Variants in EPHB1 observed in about 807,000 individuals in gnomAD.
EPHB1 encodes the protein ephrin type-B receptor 1.
In EPHB1, 30 loss-of-function variants were observed where a neutral mutation model predicts 94.4. The observed-to-expected ratio is 0.32, with a 90% CI of 0.24 to 0.43. The LOEUF (loss-of-function observed/expected upper bound fraction) is 0.43, where lower values mean the gene tolerates loss of function less well. EPHB1 is among the 20% of genes least tolerant of loss of function. The pLI, the probability that EPHB1 is intolerant of heterozygous loss-of-function variation, is 1.00. For synonymous variants in EPHB1, 522 were observed against 489.1 expected (o/e 1.07, Z -0.89); for missense variants, 1,055 against 1,308.3 (o/e 0.81, Z 2.99).
chr3:134,928,466 T>A (rs888232461), intron 2 of EPHB1, among the ~76,000 whole-genome samples: 1 of 152,198 alleles, frequency 6.6e-6, no homozygotes, highest in African/African-American at 2.4e-5. Flanking sequence ...ATTGGCAGCT[T>A]ACACCTAGTT....
Position 135,192,698 on chromosome 3 carries a change from G to A in EPHB1, c.2005G>A (p.Ala669Thr). The stretch of plus-strand genomic sequence containing the variant: ...GCAGCGTCGGGACTTTCTGAGTGAG[G>A]CGAGCATCATGGGCCAGTTCGACCA... ...EKQRRDFLSE[A>T]SIMGQFDHPN... The change falls in exon 11 of 16, where the codon GCG (alanine) becomes ACG (threonine). Residue 669 changes from alanine (A) to threonine (T), a missense_variant. Coordinates refer to ENST00000398015, the MANE Select transcript of EPHB1 (RefSeq NM_004441.5). 6.2e-7 allele frequency: 1 copy of A among 1,614,178 alleles called. No homozygotes were observed. Among genetic ancestry groups the A allele is most frequent in the Non-Finnish European group, 8.5e-7 (1 of 1,180,034 alleles).
chr3:135,124,839 C>G (rs767471502), intron 4 of EPHB1, among the ~76,000 whole-genome samples: 2 of 151,532 alleles, frequency 1.3e-5, no homozygotes, highest in Non-Finnish European at 2.9e-5. Flanking sequence ...CCTCCTTGCC[C>G]CAGTGAGATA....
At chr3:135,178,458 C>CAAAAAAAAAAAAAAAAAAAAAAAAAAAAA (rs57207495) in intron 9 of EPHB1, among the ~76,000 whole-genome samples, 1 of 98,818 alleles carries the variant, frequency 1.0e-5, no homozygotes. Context: ...AAGACTGTCT[C>CAAAAAAAAAAAAAAAAAAAAAAAAAAAAA]AAAAAAAAAA....
intron 3 of EPHB1, among the ~76,000 whole-genome samples, chr3:135,010,558 G>GTTTTTTTTTTTTTTTTT (rs58579496): frequency 2.7e-5 from 3 of 110,388 alleles, no homozygotes; most frequent in Non-Finnish European, 3.6e-5. Flanking sequence ...ATTTTTTTCT[G>GTTTTTTTTTTTTTTTTT]TTTTTTTTTT....
intron 1 of EPHB1, among the ~76,000 whole-genome samples, chr3:134,825,325 C>A (rs1021148471): frequency 2.0e-5 from 3 of 152,206 alleles, no homozygotes; most frequent in African/African-American, 7.2e-5. Flanking sequence ...CAGGCCAGGT[C>A]TATTGTAGCT....
intron 1 of EPHB1, among the ~76,000 whole-genome samples, chr3:134,898,127 G>A (rs937328938): frequency 2.0e-5 from 3 of 152,188 alleles, no homozygotes; most frequent in Non-Finnish European, 4.4e-5. Context: ...AGGTGGATGA[G>A]TGTGCCTGGG....
At chr3:134,942,351 A>G (rs1373083761) in intron 2 of EPHB1, among the ~76,000 whole-genome samples, 1 of 152,186 alleles carries the variant, frequency 6.6e-6, no homozygotes, top group Non-Finnish European at 1.5e-5. Context: ...AGTTACTTGG[A>G]GGGTAAAGAG....
intron 1 of EPHB1, among the ~76,000 whole-genome samples, chr3:134,899,030 T>C (rs891581044): frequency 2.6e-5 from 4 of 152,168 alleles, no homozygotes; most frequent in African/African-American, 9.6e-5. Context: ...AGTTCTTGAT[T>C]GTCTCCCAAT....
At chr3:135,184,994 G>A (rs1446534265) in intron 10 of EPHB1, among the ~76,000 whole-genome samples, 1 of 152,244 alleles carries the variant, frequency 6.6e-6, no homozygotes, top group Non-Finnish European at 1.5e-5. Flanking sequence ...ATAACTGTAT[G>A]CAACAGCCTA....
At chr3:135,137,204 G>A (rs1424918209) in intron 5 of EPHB1, among the ~76,000 whole-genome samples, 1 of 152,168 alleles carries the variant, frequency 6.6e-6, no homozygotes. Context: ...GGCCAGGCAG[G>A]TAATGGAGAG....
At chr3:134,814,408 G>A (rs1426121890) in intron 1 of EPHB1, among the ~76,000 whole-genome samples, 2 of 152,162 alleles carry the variant, frequency 1.3e-5, no homozygotes, top group Admixed American at 6.5e-5. Context: ...ACCTGAAATA[G>A]CAATTACATT....
intron 3 of EPHB1, among the ~76,000 whole-genome samples, chr3:135,022,857 G>T (rs1297524871): frequency 6.6e-6 from 1 of 151,984 alleles, no homozygotes; most frequent in Non-Finnish European, 1.5e-5. Flanking sequence ...TACTCAATAG[G>T]GTGGAGTGTG....
intron 3 of EPHB1, among the ~76,000 whole-genome samples, chr3:135,103,931 G>T (rs899443304): frequency 4.6e-5 from 7 of 152,290 alleles, no homozygotes; most frequent in Admixed American, 2.0e-4. Flanking sequence ...ACATCCCCCT[G>T]CCACTTGTGG....
In EPHB1 at chr3:135,156,995, C is replaced by T. The variant is rs146372972; in HGVS notation, c.1422+2719C>T. Among the ~76,000 whole-genome samples, 73 of 152,204 alleles carry T rather than the reference C, an allele frequency of 4.8e-4. No homozygotes were observed. In the East Asian group the frequency reaches 0.014, roughly 29 times the overall value. On this transcript the variant is annotated intron_variant, in intron 6 of 15. Transcript: ENST00000398015. The stretch of plus-strand genomic sequence containing the variant: ...TCAGAAAAACAATAATAATTTCTCC[C>T]CAGCGTGCACCTATTGTGTGCCAGG...
intron 12 of EPHB1, among the ~76,000 whole-genome samples, chr3:135,240,658 C>A (rs1210966037): frequency 6.6e-6 from 1 of 152,162 alleles, no homozygotes; most frequent in Non-Finnish European, 1.5e-5. Context: ...GGGCAGAGGG[C>A]AGCATAGCAT....
At chr3:134,982,638 T>G (rs1934449392) in intron 3 of EPHB1, among the ~76,000 whole-genome samples, 1 of 152,146 alleles carries the variant, frequency 6.6e-6, no homozygotes, top group South Asian at 2.1e-4. Context: ...AACACACAGA[T>G]GTATTCCTCC....
chr3:135,030,679 TTGTC>T (rs1014074569), intron 3 of EPHB1, among the ~76,000 whole-genome samples: 2 of 152,312 alleles, frequency 1.3e-5, no homozygotes, highest in African/African-American at 4.8e-5. Context: ...GTCTTTTTGT[TTGTC>T]TGTGCCCTGC....
At chr3:134,815,704 G>A (rs971554451) in intron 1 of EPHB1, among the ~76,000 whole-genome samples, 1 of 152,218 alleles carries the variant, frequency 6.6e-6, no homozygotes. Context: ...GAGGGTTGGT[G>A]CAGCTGTTTA....
chr3:134,982,398 G>A (rs1344509461), intron 3 of EPHB1, among the ~76,000 whole-genome samples: 2 of 152,202 alleles, frequency 1.3e-5, no homozygotes, highest in Non-Finnish European at 2.9e-5. Flanking sequence ...GGAGAGAGGA[G>A]CTGATTCTTT....
Sources: allele counts gnomAD v4.1 joint callset (sites outside exome capture counted in the v4.1 genomes callset), GRCh38; gene constraint gnomAD v4.1.1; transcripts MANE v1.5; gene names NCBI Gene and HGNC (gene_info 2026-07-23, HGNC 2026-07-21).